The following PRUNE2 variants were observed in gnomAD, a reference collection of about 807,000 sequenced individuals.
PRUNE2 encodes protein prune homolog 2.
In PRUNE2, 164 loss-of-function variants were observed where a neutral mutation model predicts 252.0. The observed-to-expected ratio is 0.65, with a 90% CI of 0.57 to 0.74. PRUNE2 has a LOEUF of 0.74. PRUNE2 is among the 30% of genes least tolerant of loss of function. The pLI, the probability that PRUNE2 is intolerant of heterozygous loss-of-function variation, is 0.00. For synonymous variants in PRUNE2, 1,292 were observed against 1,350.2 expected (o/e 0.96, Z 0.94); for missense variants, 3,495 against 3,711.0 (o/e 0.94, Z 1.51).
chr9:76,769,304 A>G (rs1457696215), intron 6 of PRUNE2, among the ~76,000 whole-genome samples: 1 of 152,256 alleles, frequency 6.6e-6, no homozygotes, highest in Non-Finnish European at 1.5e-5. Context: ...CCTCAGGGTC[A>G]ATACATACAG....
rs755374013 is a variant in PRUNE2, at chr9:76,708,168, AC to A, written c.4105del (p.Val1369LeufsTer33). On this transcript the variant is annotated frameshift_variant, in exon 8 of 19. Transcript: ENST00000376718. LOFTEE classifies it high-confidence loss of function. ...GCAGATTTCCTGATGTTCAGATGCA[AC>A]CAGAGAAGACAGTTCCTGGTCACTC... ...GQSDQELSSL[V>X]ASEHQEICIK... is the part of the protein sequence containing the mutation. 3 of 1,613,854 alleles carry A rather than the reference AC, an allele frequency of 1.9e-6. No individual in the cohort carries two copies. The African/African-American group carries it at 4.0e-5, about 22-fold the overall frequency.
intron 12 of PRUNE2, among the ~76,000 whole-genome samples, chr9:76,640,903 C>T (rs1842307285): frequency 6.6e-6 from 1 of 152,158 alleles, no homozygotes; most frequent in South Asian, 2.1e-4. Flanking sequence ...AATCTGGCTC[C>T]AGAGTGTTAC....
intron 4 of PRUNE2, among the ~76,000 whole-genome samples, chr9:76,835,137 A>T (rs982750196): frequency 3.9e-5 from 6 of 152,240 alleles, no homozygotes; most frequent in African/African-American, 7.2e-5. Context: ...TTCTTTGCTC[A>T]AAAGAATGGA....
At chr9:76,615,714 T>C (rs1829147491) in intron 18 of PRUNE2, among the ~76,000 whole-genome samples, 1 of 151,808 alleles carries the variant, frequency 6.6e-6, no homozygotes, top group Non-Finnish European at 1.5e-5. Context: ...TGTCTGTTAT[T>C]ATTAGCAGCA....
At chr9:76,902,485 G>C (rs931662779) in intron 1 of PRUNE2, among the ~76,000 whole-genome samples, 2 of 152,136 alleles carry the variant, frequency 1.3e-5, no homozygotes, top group African/African-American at 4.8e-5. Flanking sequence ...CAAAAATATG[G>C]CTGGGTTCTC....
chr9:76,803,393 A>G (rs1328423864), intron 6 of PRUNE2, among the ~76,000 whole-genome samples: 2 of 152,234 alleles, frequency 1.3e-5, no homozygotes, highest in Non-Finnish European at 2.9e-5. Context: ...ACAGATAAGC[A>G]GAACAAGCAG....
chr9:76,780,753 G>GT (rs2054295971), intron 6 of PRUNE2, among the ~76,000 whole-genome samples: 2 of 152,270 alleles, frequency 1.3e-5, no homozygotes, highest in African/African-American at 2.4e-5. Context: ...TTTTGTTTTT[G>GT]TTTTTGTTTT....
At chr9:76,681,989 A>G (rs1226960718) in intron 9 of PRUNE2, among the ~76,000 whole-genome samples, 1 of 152,132 alleles carries the variant, frequency 6.6e-6, no homozygotes, top group East Asian at 1.9e-4. Flanking sequence ...TGTATTTTAA[A>G]TACATTAGGA....
intron 6 of PRUNE2, among the ~76,000 whole-genome samples, chr9:76,749,900 T>G (rs1020477213): frequency 2.6e-5 from 4 of 152,208 alleles, no homozygotes; most frequent in Non-Finnish European, 5.9e-5. Flanking sequence ...TTTCTGATCT[T>G]GAAATAGTAT....
At chr9:76,840,020 A>G (rs1333713367) in intron 4 of PRUNE2, among the ~76,000 whole-genome samples, 1 of 152,236 alleles carries the variant, frequency 6.6e-6, no homozygotes, top group Non-Finnish European at 1.5e-5. Flanking sequence ...TAATTAGACA[A>G]GCATGTGAAG....
intron 6 of PRUNE2, among the ~76,000 whole-genome samples, chr9:76,822,282 C>T (rs1174942803): frequency 1.3e-5 from 2 of 152,188 alleles, no homozygotes; most frequent in Admixed American, 6.5e-5. Flanking sequence ...ACAATGAGAA[C>T]ATGCTCTGTA....
chr9:76,796,322 C>T (rs1317204710), intron 6 of PRUNE2, among the ~76,000 whole-genome samples: 1 of 152,104 alleles, frequency 6.6e-6, no homozygotes, highest in Admixed American at 6.5e-5. Context: ...AATAAAGCCT[C>T]GCTACGATCA....
In PRUNE2 at chr9:76,612,929, T is replaced by G. The variant is rs1827891688; in HGVS notation, c.*1641A>C. 6.6e-6 allele frequency: 1 copy of G among 152,160 alleles called. No individual in the cohort carries two copies. The highest frequency in any genetic ancestry group is 2.1e-4 in the South Asian group (1 of 4,836). 9.4% of individuals were successfully genotyped at this position (152,160 alleles called of 1,614,324 possible). A position where few individuals can be genotyped will look rare whatever the true frequency, so the allele number is the denominator to read the frequency against. Reference sequence around the variant, plus strand: ...CACCATGAGACTAGGGTGGAACCGCTCTCACCCCTTCATTTTTATTTCTGC... The same window carrying G: ...CACCATGAGACTAGGGTGGAACCGCGCTCACCCCTTCATTTTTATTTCTGC... On this transcript the variant is annotated 3_prime_UTR_variant, in exon 19 of 19. Transcript: ENST00000376718.
chr9:76,807,355 G>A (rs1177921953), intron 6 of PRUNE2, among the ~76,000 whole-genome samples: 2 of 152,074 alleles, frequency 1.3e-5, no homozygotes, highest in Non-Finnish European at 2.9e-5. Flanking sequence ...TTATAGGCAT[G>A]AGCCACAATG....
At chr9:76,713,819 G>T (rs908415658) in intron 6 of PRUNE2, 98 bp from the exon 7 acceptor site, 2 of 746,658 alleles carry the variant, frequency 2.7e-6, no homozygotes, top group Non-Finnish European at 4.1e-6. Flanking sequence ...ATTTAGGAGA[G>T]ATATTTATTA....
intron 12 of PRUNE2, among the ~76,000 whole-genome samples, chr9:76,641,783 A>C (rs1489223061): frequency 6.6e-6 from 1 of 151,918 alleles, no homozygotes; most frequent in African/African-American, 2.4e-5. Context: ...AAGGACGCAA[A>C]CCTTACCTGA....
At chr9:76,698,975 T>C (rs1025587358) in intron 9 of PRUNE2, among the ~76,000 whole-genome samples, 4 of 152,174 alleles carry the variant, frequency 2.6e-5, no homozygotes, top group African/African-American at 9.7e-5. Flanking sequence ...GGTCAGGTGA[T>C]GTCTCAATAC....
chr9:76,682,564 T>A (rs1564024535), intron 9 of PRUNE2, among the ~76,000 whole-genome samples: 2 of 152,232 alleles, frequency 1.3e-5, no homozygotes, highest in East Asian at 3.9e-4. Flanking sequence ...AGTTTCTCCA[T>A]GTCCATGGTG....
intron 6 of PRUNE2, among the ~76,000 whole-genome samples, chr9:76,769,241 C>T (rs1395645426): frequency 6.6e-6 from 1 of 152,194 alleles, no homozygotes; most frequent in African/African-American, 2.4e-5. Context: ...TTAAATTATA[C>T]ACACTATTCT....
Sources: gnomAD v4.1 joint callset for allele counts (sites outside exome capture counted in the v4.1 genomes callset) on GRCh38, gnomAD v4.1.1 for gene constraint, MANE v1.5 for transcripts, NCBI Gene and HGNC (gene_info 2026-07-23, HGNC 2026-07-21) for gene names.